VPS36: variants seen among roughly 807,000 people sequenced by gnomAD.
VPS36 encodes vacuolar protein-sorting-associated protein 36.
VPS36 carries 31 observed loss-of-function variants against 63.5 expected under a neutral mutation model. The ratio of observed to expected loss-of-function variants is 0.49; its 90% CI spans 0.37 to 0.66. VPS36 has a LOEUF of 0.66. Ranked by LOEUF, VPS36 falls within the 30% of genes least tolerant of loss-of-function variation. VPS36 has a pLI of 0.00. For synonymous variants in VPS36, 138 were observed against 157.2 expected (o/e 0.88, Z 0.91); for missense variants, 338 against 463.7 (o/e 0.73, Z 2.49).
chr13:52,422,649 G>T (rs1388495147), intron 10 of VPS36, among the ~76,000 whole-genome samples: 2 of 152,106 alleles, frequency 1.3e-5, no homozygotes, highest in African/African-American at 4.8e-5. Context: ...TGAGAATATG[G>T]GTATTTGGCT....
At chr13:52,436,135 G>A in intron 4 of VPS36, 155 bp downstream of exon 4, 1 of 524,766 alleles carries the variant, frequency 1.9e-6, no homozygotes, top group Non-Finnish European at 3.3e-6. Flanking sequence ...TAAGGCTTAA[G>A]ATATAATAAA....
intron 1 of VPS36, among the ~76,000 whole-genome samples, chr13:52,445,939 CA>C (rs34529458): frequency 3.5e-3 from 54 of 15,358 alleles, no homozygotes; most frequent in African/African-American, 0.011. Flanking sequence ...GACTCTATCT[CA>C]AAAAAAAAAA....
chr13:52,433,826 G>A, intron 5 of VPS36, 78 bp from the exon 6 acceptor site: 3 of 1,313,800 alleles, frequency 2.3e-6, no homozygotes, highest in South Asian at 2.6e-5. Flanking sequence ...ACCACATTGT[G>A]TTTTCAATGG....
At chr13:52,436,194 C>A in intron 4 of VPS36, 96 bp downstream of exon 4, 1 of 762,614 alleles carries the variant, frequency 1.3e-6, no homozygotes, top group Non-Finnish European at 2.1e-6. Flanking sequence ...TATAATACTA[C>A]CTTCCATCAT....
chr13:52,442,597 C>T (rs1958291924), intron 1 of VPS36, 152 bp from the exon 2 acceptor site: 1 of 666,844 alleles, frequency 1.5e-6, no homozygotes, highest in Non-Finnish European at 2.4e-6. Context: ...AGAACCAATG[C>T]TACATACTTC....
At position 52,415,706 on chromosome 13, in the gene VPS36, T is replaced by G. The variant is rs1015297297; in HGVS notation, c.*124A>C. On this transcript the variant is annotated 3_prime_UTR_variant, in exon 14 of 14. Transcript: ENST00000378060. ...ATATTTAGTGAGAAATTAAAAGAGA[T>G]TTACATTGCACTGTGAAGTTCCAAT... The G allele has an allele frequency of 1.1e-6, 1 of 913,516 alleles. No individual in the cohort carries two copies. The highest frequency in any genetic ancestry group is 1.7e-6 in the Non-Finnish European group (1 of 585,524). 56.6% of individuals were successfully genotyped at this position (913,516 alleles called of 1,614,324 possible). A position where few individuals can be genotyped will look rare whatever the true frequency, so the allele number is the denominator to read the frequency against.
chr13:52,414,184 G>A lies in VPS36; in HGVS notation c.*1646C>T, dbSNP rs986493457. ...GCCTTAGCCAGGTGAGAGAGAGAGA[G>A]AGTGTGTGTGTGTGTACAAGTTTGC... On this transcript the variant is annotated 3_prime_UTR_variant, in exon 14 of 14. Transcript: ENST00000378060. The A allele has an allele frequency of 6.6e-6, 1 of 152,140 alleles. No homozygotes were observed. Among genetic ancestry groups the A allele is most frequent in the Non-Finnish European group, 1.5e-5 (1 of 68,032 alleles). The allele number at this position is 152,140 out of a possible 1,614,324, so 9.4% of individuals were successfully genotyped here. A position where few individuals can be genotyped will look rare whatever the true frequency, so the allele number is the denominator to read the frequency against.
chr13:52,416,938 G>A (rs2137768451), intron 12 of VPS36, 119 bp downstream of exon 12: 2 of 777,338 alleles, frequency 2.6e-6, no homozygotes, highest in South Asian at 3.9e-5. Context: ...TTATTTGGGT[G>A]TGTGAATGTT....
rs550565156 is a variant in VPS36 at position 52,416,555 on chromosome 13, C to T, written c.991-462G>A. On this transcript the variant is annotated intron_variant, in intron 12 of 13. Coordinates refer to ENST00000378060, the MANE Select transcript of VPS36 (RefSeq NM_016075.4). ...ATATAAGTTATTCAAATTATACAGG[C>T]TCACCATAGAAGCTATGAAGACAGT... 5.3e-5 allele frequency among the ~76,000 whole-genome samples: 8 copies of T among 152,268 alleles called. No homozygotes were observed. In the East Asian group the frequency reaches 1.2e-3, roughly 22 times the overall value.
At position 52,439,085 on chromosome 13, in the gene VPS36, T is replaced by A. The variant is rs371764544; in HGVS notation, c.236+13A>T. On this transcript the variant is annotated intron_variant, in intron 3 of 13. Transcript: ENST00000378060. Reference sequence around the variant, plus strand: ...TTTTCTGTGAATAAAGACTGTGCTATACACAGACTTACCTCTTCCCAATTC... The same window carrying A: ...TTTTCTGTGAATAAAGACTGTGCTAAACACAGACTTACCTCTTCCCAATTC... The A allele has an allele frequency of 6.2e-7, 1 of 1,612,618 alleles. No homozygotes were observed. Among genetic ancestry groups the A allele is most frequent in the Admixed American group, 1.7e-5 (1 of 60,008 alleles).
chr13:52,449,781 T>A (rs1473142764), intron 1 of VPS36: 1 of 328,956 alleles, frequency 3.0e-6, no homozygotes, highest in African/African-American at 2.2e-5. Context: ...CAAACGCACC[T>A]TCTAAGATTT....
intron 6 of VPS36, among the ~76,000 whole-genome samples, chr13:52,432,641 C>T (rs569003119): frequency 6.6e-6 from 1 of 152,308 alleles, no homozygotes; most frequent in South Asian, 2.1e-4. Flanking sequence ...ATAAGATGTG[C>T]CTCTGACGAA....
chr13:52,430,025 A>G (rs1022411595), intron 6 of VPS36, among the ~76,000 whole-genome samples: 7 of 152,284 alleles, frequency 4.6e-5, no homozygotes, highest in Admixed American at 4.6e-4. Context: ...AATAATATCT[A>G]ACATCTAAAA....
chr13:52,445,939 CAAAAAAAAA>C (rs34529458), intron 1 of VPS36, among the ~76,000 whole-genome samples: 5 of 15,362 alleles, frequency 3.3e-4, no homozygotes, highest in Non-Finnish European at 4.1e-4. Context: ...GACTCTATCT[CAAAAAAAAA>C]AAAAAAAAAA....
chr13:52,426,002 T>C lies in VPS36; in HGVS notation c.704A>G (p.Tyr235Cys), dbSNP rs770436208. 8.7e-6 allele frequency: 14 copies of C among 1,614,082 alleles called. No individual in the cohort carries two copies. In the Admixed American group the frequency reaches 1.8e-4, roughly 21 times the overall value. The part of the protein sequence containing the change: ...GIANPVTRET[Y>C]GSGTQYHMQL... ...CATGTGGTACTGTGTGCCTGAGCCG[T>C]AGGTTTCTCTGGTAACTGGGTTAGC... Residue 235 changes from tyrosine to cysteine, a missense_variant, in exon 9 of 14, where the codon TAC becomes TGC. Physicochemically the swap from Tyr to Cys is radical, Grantham distance 194. Transcript: ENST00000378060.
rs549713873 is a variant in VPS36, at chr13:52,450,191, G to A, written c.96+308C>T. On this transcript the variant is annotated intron_variant, in intron 1 of 13. Transcript: ENST00000378060. ...GCAGACGGCGAGCGCTCCTTCTCCC[G>A]GGCACTGCAGCTGTGCGCTCCCGGA... The A allele has an allele frequency of 1.2e-4, 122 of 1,031,810 alleles. 1 individual carries two copies. In the South Asian group the frequency reaches 5.0e-3, roughly 43 times the overall value. 63.9% of individuals were successfully genotyped at this position (1,031,810 alleles called of 1,614,324 possible). A position where few individuals can be genotyped will look rare whatever the true frequency, so the allele number is the denominator to read the frequency against.
At chr13:52,440,230 C>T (rs909673533) in intron 2 of VPS36, among the ~76,000 whole-genome samples, 2 of 152,118 alleles carry the variant, frequency 1.3e-5, no homozygotes, top group African/African-American at 2.4e-5. Flanking sequence ...CCCCCTGCCT[C>T]GGCCTCCCAA....
intron 1 of VPS36, among the ~76,000 whole-genome samples, chr13:52,445,440 C>A (rs1189710276): frequency 1.0e-4 from 15 of 150,716 alleles, no homozygotes; most frequent in African/African-American, 3.4e-4. Flanking sequence ...GAGATCGAGA[C>A]CATCCTGACT....
At position 52,427,082 on chromosome 13, in the gene VPS36, T is replaced by C. The variant is rs371223665; in HGVS notation, c.562-16A>G. 2.3e-5 allele frequency: 37 copies of C among 1,607,286 alleles called. No individual in the cohort carries two copies. The highest frequency in any genetic ancestry group is 3.1e-5 in the Non-Finnish European group (37 of 1,176,874). On this transcript the variant is annotated splice_polypyrimidine_tract_variant and intron_variant, in intron 7 of 13. Coordinates refer to ENST00000378060, the MANE Select transcript of VPS36 (RefSeq NM_016075.4). ...TTTCCTTAGCCTGTCAAATAAAAAGTAAAGACTGAAAAGCACTATTGTCCC... is the reference window on the plus strand; with the variant it reads ...TTTCCTTAGCCTGTCAAATAAAAAGCAAAGACTGAAAAGCACTATTGTCCC...
Sources: gnomAD v4.1 joint callset for allele counts (sites outside exome capture counted in the v4.1 genomes callset) on GRCh38, gnomAD v4.1.1 for gene constraint, MANE v1.5 for transcripts, NCBI Gene and HGNC (gene_info 2026-07-23, HGNC 2026-07-21) for gene names.